Variants in IGSF5 observed in about 807,000 individuals in gnomAD.
IGSF5 encodes the protein immunoglobulin superfamily 5 like.
A neutral mutation model predicts 39.4 loss-of-function variants in IGSF5; 41 were observed. That is an observed-to-expected ratio of 1.04 (90% confidence interval 0.81 to 1.35). IGSF5 has a LOEUF of 1.35. Ranked by LOEUF, IGSF5 falls within the 40% of genes most tolerant of loss-of-function variation. IGSF5 has a pLI of 0.00. For synonymous variants in IGSF5, 183 were observed against 175.3 expected, an observed-to-expected ratio of 1.04 and a Z score of -0.34; for missense variants, 487 against 494.6, an observed-to-expected ratio of 0.98 and a Z score of 0.15.
At chr21:39,755,361 C>T (rs1457394400) in intron 2 of IGSF5, among the ~76,000 whole-genome samples, 4 of 151,778 alleles carry the variant, frequency 2.6e-5, no homozygotes, top group Non-Finnish European at 5.9e-5. Context: ...CTGAGGCGGG[C>T]GGATCACAAG....
chr21:39,719,037 G>A, the IGSF5 span, among the ~76,000 whole-genome samples: 1 of 152,124 alleles, frequency 6.6e-6, no homozygotes, highest in Non-Finnish European at 1.5e-5. Context: ...CTCCTTATTG[G>A]TCTGTTCCCG....
Position 39,758,163 on chromosome 21 carries a change from G to A in IGSF5, c.101-7372G>A, listed in dbSNP as rs114373926. On this transcript the variant is annotated intron_variant, in intron 2 of 8. Transcript: ENST00000380588. ...TGAGCTTGGTGGGCTGTTCACCAAC[G>A]TCCACTTGGAGTGTAGGGGGAAGAC... 4.7e-3 allele frequency among the ~76,000 whole-genome samples: 720 copies of A among 152,250 alleles called. 7 individuals carry two copies. Among genetic ancestry groups the A allele is most frequent in the African/African-American group, 0.016 (669 of 41,552 alleles).
At chr21:39,762,589 AAAGT>A (rs1207581640) in intron 2 of IGSF5, among the ~76,000 whole-genome samples, 3 of 152,208 alleles carry the variant, frequency 2.0e-5, no homozygotes, top group Non-Finnish European at 4.4e-5. Context: ...GGATCAGGAA[AAAGT>A]AAGGAAAAGG....
chr21:39,786,091 G>T (rs1485105956), intron 5 of IGSF5, among the ~76,000 whole-genome samples: 1 of 151,884 alleles, frequency 6.6e-6, no homozygotes, highest in Non-Finnish European at 1.5e-5. Flanking sequence ...GGCAACAAAA[G>T]CCAAAATTGA....
chr21:39,746,670 CA>C (rs2079976481), intron 2 of IGSF5, among the ~76,000 whole-genome samples: 1 of 30,674 alleles, frequency 3.3e-5, no homozygotes, highest in African/African-American at 4.0e-5. Flanking sequence ...GCTGATGGAA[CA>C]CAGTTAACAG....
chr21:39,726,136 G>A, the IGSF5 span: 15 of 152,292 alleles, frequency 9.8e-5, no homozygotes, highest in Non-Finnish European at 2.1e-4. Flanking sequence ...TTTTAACTGT[G>A]TGTGGGTCTA....
At chr21:39,778,619 C>T (rs1205771051) in intron 4 of IGSF5, among the ~76,000 whole-genome samples, 1 of 152,204 alleles carries the variant, frequency 6.6e-6, no homozygotes, top group East Asian at 1.9e-4. Flanking sequence ...TTAGAAGTGA[C>T]TGTCCCTCAG....
the IGSF5 span, among the ~76,000 whole-genome samples, chr21:39,737,950 G>A: frequency 6.6e-6 from 1 of 152,336 alleles, no homozygotes; most frequent in African/African-American, 2.4e-5. Flanking sequence ...GAGTAGGTCA[G>A]AGAGAGAGAT....
At chr21:39,759,741 A>G (rs2080052052) in intron 2 of IGSF5, among the ~76,000 whole-genome samples, 1 of 151,560 alleles carries the variant, frequency 6.6e-6, no homozygotes, top group African/African-American at 2.4e-5. Context: ...GTGGCACGCA[A>G]CTGTAGTCCC....
At chr21:39,770,839 A>G in intron 3 of IGSF5, 77 bp from the exon 4 acceptor site, 4 of 1,132,326 alleles carry the variant, frequency 3.5e-6, no homozygotes, top group Non-Finnish European at 4.6e-6. Context: ...TTAAAAAAAA[A>G]AAGAAAAAAA....
At chr21:39,733,306 T>C in the IGSF5 span, among the ~76,000 whole-genome samples, 11 of 152,104 alleles carry the variant, frequency 7.2e-5, no homozygotes, top group Admixed American at 7.2e-4. Context: ...GAATGGTTTT[T>C]AATGGATATG....
At chr21:39,763,634 G>T (rs1395769514) in intron 2 of IGSF5, among the ~76,000 whole-genome samples, 3 of 152,152 alleles carry the variant, frequency 2.0e-5, no homozygotes, top group African/African-American at 7.2e-5. Flanking sequence ...GGCATTGTGT[G>T]GCCCGGACTT....
chr21:39,764,497 G>A (rs552596504), intron 2 of IGSF5, among the ~76,000 whole-genome samples: 28 of 152,214 alleles, frequency 1.8e-4, no homozygotes, highest in African/African-American at 6.3e-4. Context: ...CCACAACCAC[G>A]CCTGGCTAAT....
the IGSF5 span, among the ~76,000 whole-genome samples, chr21:39,719,725 AT>A: frequency 1.2e-4 from 18 of 152,120 alleles, no homozygotes; most frequent in African/African-American, 4.1e-4. Flanking sequence ...TCCCTAAAAT[AT>A]TTTCCTACAG....
At chr21:39,777,506 T>C (rs550591407) in intron 4 of IGSF5, among the ~76,000 whole-genome samples, 5 of 152,268 alleles carry the variant, frequency 3.3e-5, no homozygotes, top group African/African-American at 1.2e-4. Flanking sequence ...GTCTGCCTTG[T>C]GTTAGTGCTT....
chr21:39,797,692 A>AT lies in IGSF5; in HGVS notation c.1129-3561dup, dbSNP rs560257583. Among the ~76,000 whole-genome samples, 1,134 of 150,590 alleles carry AT rather than the reference A, an allele frequency of 7.5e-3. 4 individuals carry two copies. Among genetic ancestry groups the AT allele is most frequent in the Middle Eastern group, 0.014 (4 of 290 alleles). On this transcript the variant is annotated intron_variant, in intron 8 of 8. Coordinates refer to ENST00000380588, the MANE Select transcript of IGSF5 (RefSeq NM_001080444.2). ...CTGCCATGCCTAGCTAATTTTAAAC[A>AT]TTTTTTTTTGTAGGAATGGGGGTCT...
chr21:39,758,321 C>T (rs927078519), intron 2 of IGSF5, among the ~76,000 whole-genome samples: 8 of 152,160 alleles, frequency 5.3e-5, no homozygotes, highest in Non-Finnish European at 1.2e-4. Context: ...ACTCCCAGAA[C>T]GGTCCTTCAG....
At chr21:39,782,277 G>A (rs976647859) in intron 5 of IGSF5, among the ~76,000 whole-genome samples, 25 of 152,246 alleles carry the variant, frequency 1.6e-4, no homozygotes, top group South Asian at 4.2e-4. Context: ...AGTCTGCCTT[G>A]TAGCTTTCCG....
chr21:39,768,160 G>A (rs191868995), intron 3 of IGSF5, among the ~76,000 whole-genome samples: 14 of 152,262 alleles, frequency 9.2e-5, no homozygotes, highest in African/African-American at 1.9e-4. Context: ...AAGATATTGC[G>A]AGAGGAACCC....
Sources: gnomAD v4.1 joint callset for allele counts (sites outside exome capture counted in the v4.1 genomes callset) on GRCh38, gnomAD v4.1.1 for gene constraint, MANE v1.5 for transcripts, NCBI Gene and HGNC (gene_info 2026-07-23, HGNC 2026-07-21) for gene names.